FAF1: variants seen among roughly 807,000 people sequenced by gnomAD.
The protein encoded by FAF1 is Fas associated factor 1.
A neutral mutation model predicts 92.5 loss-of-function variants in FAF1; 25 were observed. The observed-to-expected ratio is 0.27, with a 90% CI of 0.20 to 0.38. FAF1 has a LOEUF of 0.38. Ranked by LOEUF, FAF1 falls within the 10% of genes least tolerant of loss-of-function variation. FAF1 has a pLI of 1.00. For synonymous variants in FAF1, 234 were observed against 273.2 expected, an observed-to-expected ratio of 0.86 and a Z score of 1.42; for missense variants, 636 against 793.3, an observed-to-expected ratio of 0.80 and a Z score of 2.38.
At chr1:50,784,282 C>A (rs896351275) in intron 4 of FAF1, among the ~76,000 whole-genome samples, 1 of 151,670 alleles carries the variant, frequency 6.6e-6, no homozygotes, top group Non-Finnish European at 1.5e-5. Flanking sequence ...GTAGAAAACA[C>A]TAAGGATTCT....
At chr1:50,864,207 G>T (rs1016119723) in intron 1 of FAF1, among the ~76,000 whole-genome samples, 13 of 149,284 alleles carry the variant, frequency 8.7e-5, no homozygotes, top group African/African-American at 3.0e-4. Context: ...ATTTCCTTCA[G>T]TTCTGCTCTG....
At chr1:50,758,800 C>CT (rs1354969360) in intron 4 of FAF1, among the ~76,000 whole-genome samples, 1 of 152,082 alleles carries the variant, frequency 6.6e-6, no homozygotes, top group Non-Finnish European at 1.5e-5. Flanking sequence ...GCATTGCCTC[C>CT]TGGTGTGCGC....
At position 50,919,518 on chromosome 1, in the gene FAF1, C is replaced by T. The variant is rs1490375412; in HGVS notation, c.45+40249G>A. On this transcript the variant is annotated intron_variant, in intron 1 of 18. Transcript: ENST00000396153. ...TTTTTTTTTTTTTGAGACAGAGTCT[C>T]GCTCTGTTGTCCAGGCTGGAGTGCA... Among the ~76,000 whole-genome samples the T allele has an allele frequency of 2.7e-5, 4 of 149,746 alleles. No homozygotes were observed. The East Asian group carries it at 5.9e-4, about 22-fold the overall frequency.
chr1:50,802,403 T>C (rs1662028840), intron 2 of FAF1, among the ~76,000 whole-genome samples: 1 of 152,094 alleles, frequency 6.6e-6, no homozygotes, highest in Admixed American at 6.5e-5. Flanking sequence ...ATATTCCTAA[T>C]GAAAAGAACA....
At chr1:50,868,498 G>A (rs1008365722) in intron 1 of FAF1, among the ~76,000 whole-genome samples, 4 of 152,166 alleles carry the variant, frequency 2.6e-5, no homozygotes, top group South Asian at 2.1e-4. Context: ...GAAGTATAGA[G>A]CAATGATTTT....
chr1:50,732,206 C>G, intron 6 of FAF1, among the ~76,000 whole-genome samples: 1 of 152,108 alleles, frequency 6.6e-6, no homozygotes, highest in East Asian at 1.9e-4. Flanking sequence ...TCCCGAGTAG[C>G]TGGGACTACA....
At chr1:50,563,305 C>A (rs556226298) in intron 13 of FAF1, among the ~76,000 whole-genome samples, 2 of 152,126 alleles carry the variant, frequency 1.3e-5, no homozygotes, top group Non-Finnish European at 2.9e-5. Flanking sequence ...GTGTCACACA[C>A]CTGTAGTCCC....
At chr1:50,861,527 G>A (rs1036448236) in intron 1 of FAF1, among the ~76,000 whole-genome samples, 1 of 151,738 alleles carries the variant, frequency 6.6e-6, no homozygotes, top group African/African-American at 2.4e-5. Flanking sequence ...AGAGTAGAAT[G>A]ACAGACACTG....
intron 6 of FAF1, among the ~76,000 whole-genome samples, chr1:50,717,348 G>A (rs1658219040): frequency 6.6e-6 from 1 of 152,188 alleles, no homozygotes; most frequent in Admixed American, 6.6e-5. Flanking sequence ...TATAAGAAGA[G>A]AAAGACAGAT....
chr1:50,801,718 T>C (rs371817682), intron 2 of FAF1, 41 bp from the exon 3 acceptor site: 33 of 1,219,044 alleles, frequency 2.7e-5, no homozygotes, highest in Non-Finnish European at 3.9e-5. Flanking sequence ...AAGAAACAGA[T>C]AAATGCCCAA....
intron 1 of FAF1, among the ~76,000 whole-genome samples, chr1:50,922,458 C>CAA (rs33971185): frequency 0.26 from 9,712 of 37,222 alleles, 2,570 homozygotes; most frequent in Middle Eastern, 0.5. Flanking sequence ...GACTCTGCCT[C>CAA]AAAAAAAAAA....
intron 4 of FAF1, among the ~76,000 whole-genome samples, chr1:50,762,193 TACAA>T (rs1449421079): frequency 3.3e-5 from 5 of 151,956 alleles, no homozygotes; most frequent in African/African-American, 1.2e-4. Flanking sequence ...TAAAAGAGGA[TACAA>T]ACAAATGGAA....
At chr1:50,513,422 G>A (rs1015202148) in intron 15 of FAF1, among the ~76,000 whole-genome samples, 34 of 152,124 alleles carry the variant, frequency 2.2e-4, no homozygotes, top group African/African-American at 6.8e-4. Context: ...CCTGGGAGGC[G>A]GAGGTTGCAG....
intron 8 of FAF1, among the ~76,000 whole-genome samples, chr1:50,648,395 T>C (rs967545686): frequency 7.9e-5 from 12 of 152,032 alleles, no homozygotes; most frequent in Non-Finnish European, 1.3e-4. Context: ...ATTCGAAAAA[T>C]AGTAAGATAA....
intron 2 of FAF1, among the ~76,000 whole-genome samples, chr1:50,822,140 T>A (rs1321638694): frequency 6.6e-6 from 1 of 151,806 alleles, no homozygotes; most frequent in East Asian, 1.9e-4. Context: ...ATTTGATTTT[T>A]TTTCCAGGAG....
intron 2 of FAF1, among the ~76,000 whole-genome samples, chr1:50,807,333 C>T (rs1460556872): frequency 6.6e-6 from 1 of 152,240 alleles, no homozygotes; most frequent in African/African-American, 2.4e-5. Context: ...CACAGTTCCA[C>T]AGGCTGTATA....
intron 7 of FAF1, among the ~76,000 whole-genome samples, chr1:50,693,994 T>C (rs559105552): frequency 0.018 from 2,103 of 119,256 alleles, 46 homozygotes; most frequent in African/African-American, 0.07. Flanking sequence ...TATGTATATG[T>C]GTCATTATAT....
At chr1:50,739,053 T>C (rs1659256847) in intron 5 of FAF1, 99 bp from the exon 6 acceptor site, 1 of 763,590 alleles carries the variant, frequency 1.3e-6, no homozygotes, top group Non-Finnish European at 2.1e-6. Context: ...TTTGTAGTTT[T>C]TTTTATCTTT....
intron 8 of FAF1, among the ~76,000 whole-genome samples, chr1:50,602,388 A>G (rs536968383): frequency 6.6e-6 from 1 of 152,232 alleles, no homozygotes; most frequent in South Asian, 2.1e-4. Context: ...GTATGTCAAG[A>G]TGTATCCAAC....
Sources: allele counts gnomAD v4.1 joint callset (sites outside exome capture counted in the v4.1 genomes callset), GRCh38; gene constraint gnomAD v4.1.1; transcripts MANE v1.5; gene names NCBI Gene and HGNC (gene_info 2026-07-23, HGNC 2026-07-21).